Variants in MBD5 observed in about 807,000 individuals in gnomAD.
MBD5 encodes the protein methyl-CpG-binding domain protein 5.
Under a neutral mutation model 117.3 loss-of-function variants are expected in MBD5, and 13 were observed. The observed-to-expected ratio is 0.11, with a 90% CI of 0.07 to 0.18. MBD5 has a LOEUF of 0.18. Ranked by LOEUF, MBD5 falls within the 10% of genes least tolerant of loss-of-function variation. The pLI is 1.00. For synonymous variants in MBD5, 727 were observed against 766.4 expected (o/e 0.95, Z 0.85); for missense variants, 1,879 against 2,093.8 (o/e 0.90, Z 2.00).
chr2:148,351,054 A>G (rs941469474), intron 4 of MBD5, among the ~76,000 whole-genome samples: 1 of 152,032 alleles, frequency 6.6e-6, no homozygotes, highest in Non-Finnish European at 1.5e-5. Flanking sequence ...GCTTTCTTTT[A>G]GTTTTTAATA....
chr2:148,058,741 A>G (rs757830348), intron 1 of MBD5, among the ~76,000 whole-genome samples: 27 of 152,156 alleles, frequency 1.8e-4, no homozygotes, highest in Admixed American at 9.8e-4. Context: ...AATAGATTTT[A>G]TTATTTAATT....
intron 3 of MBD5, among the ~76,000 whole-genome samples, chr2:148,249,271 C>T (rs775684311): frequency 1.3e-5 from 2 of 152,098 alleles, no homozygotes; most frequent in Non-Finnish European, 2.9e-5. Flanking sequence ...GGAAATTTGG[C>T]AAAGACTTTT....
rs557754413 is a variant in MBD5 at position 148,456,467 on chromosome 2, C to T, written c.-556-1736C>T. ...GGGGGGGACACAGACATTCAGACCA[C>T]AGTACTTACCATCTTTGTACTCCCA... On this transcript the variant is annotated intron_variant, in intron 4 of 13. Transcript: ENST00000642680. Among the ~76,000 whole-genome samples, 20 of 152,276 alleles carry T rather than the reference C, an allele frequency of 1.3e-4. No homozygotes were observed. In the South Asian group the frequency reaches 4.1e-3, roughly 32 times the overall value.
rs187784522 is a variant in MBD5, at chr2:148,394,799, T to C, written c.-557+52463T>C. Reference sequence around the variant, plus strand: ...CTCTCTTTTAACTTCTTTAGTTAGATGCTTAACTCATTTAATTTTAACCCA... The same window carrying C: ...CTCTCTTTTAACTTCTTTAGTTAGACGCTTAACTCATTTAATTTTAACCCA... On this transcript the variant is annotated intron_variant, in intron 4 of 13. Coordinates refer to ENST00000642680, the MANE Select transcript of MBD5 (RefSeq NM_001378120.1). Among the ~76,000 whole-genome samples, 33 of 152,276 alleles carry C rather than the reference T, an allele frequency of 2.2e-4. No individual in the cohort carries two copies. In the East Asian group the frequency reaches 2.5e-3, roughly 12 times the overall value.
chr2:148,363,901 A>C (rs1397821402), intron 4 of MBD5, among the ~76,000 whole-genome samples: 1 of 152,190 alleles, frequency 6.6e-6, no homozygotes, highest in Non-Finnish European at 1.5e-5. Flanking sequence ...GGGAGAATGG[A>C]ACCAAGTTGG....
chr2:148,466,676 T>A (rs1371028747), intron 7 of MBD5, among the ~76,000 whole-genome samples: 1 of 152,176 alleles, frequency 6.6e-6, no homozygotes, highest in Non-Finnish European at 1.5e-5. Flanking sequence ...AACAAGAAAA[T>A]AAGCTTCAGT....
At chr2:148,488,407 A>G (rs762663781) in intron 10 of MBD5, among the ~76,000 whole-genome samples, 1 of 152,186 alleles carries the variant, frequency 6.6e-6, no homozygotes, top group Non-Finnish European at 1.5e-5. Flanking sequence ...ACAAATTCCT[A>G]TAGACAAATA....
At chr2:148,220,007 G>A (rs578255755) in intron 2 of MBD5, 4 of 152,258 alleles carry the variant, frequency 2.6e-5, no homozygotes, top group African/African-American at 9.6e-5. Context: ...TGGATGAATG[G>A]AGGATGGATA....
At chr2:148,214,796 C>G (rs900715241) in intron 2 of MBD5, among the ~76,000 whole-genome samples, 2 of 152,116 alleles carry the variant, frequency 1.3e-5, no homozygotes, top group South Asian at 2.1e-4. Context: ...ATGTGAAAAC[C>G]AGGCTATATT....
intron 3 of MBD5, among the ~76,000 whole-genome samples, chr2:148,310,573 T>A (rs1026305321): frequency 6.6e-6 from 1 of 152,192 alleles, no homozygotes; most frequent in Non-Finnish European, 1.5e-5. Context: ...TTATGTATTT[T>A]GTTAATCTTT....
Position 148,140,402 on chromosome 2 carries a change from A to C in MBD5, c.-924-38298A>C, listed in dbSNP as rs1202330388. 2.0e-5 allele frequency among the ~76,000 whole-genome samples: 3 copies of C among 152,310 alleles called. No homozygotes were observed. In the East Asian group the frequency reaches 5.8e-4, roughly 29 times the overall value. On this transcript the variant is annotated intron_variant, in intron 1 of 13. Coordinates refer to ENST00000642680, the MANE Select transcript of MBD5 (RefSeq NM_001378120.1). ...GATAAAAAAATTATGTTGTACATTT[A>C]CTTTAAATATTTTACCACTTTTTTT...
At chr2:148,117,856 A>G (rs1696677700) in intron 1 of MBD5, among the ~76,000 whole-genome samples, 1 of 152,222 alleles carries the variant, frequency 6.6e-6, no homozygotes, top group African/African-American at 2.4e-5. Flanking sequence ...GATTTAGGTT[A>G]CTTGCTCAAG....
intron 3 of MBD5, among the ~76,000 whole-genome samples, chr2:148,259,933 A>C (rs943391866): frequency 6.6e-6 from 1 of 152,174 alleles, no homozygotes; most frequent in Non-Finnish European, 1.5e-5. Flanking sequence ...CAACAACAAC[A>C]AAAAAGCTAA....
At chr2:148,097,750 C>T (rs1422644946) in intron 1 of MBD5, among the ~76,000 whole-genome samples, 1 of 152,166 alleles carries the variant, frequency 6.6e-6, no homozygotes, top group Non-Finnish European at 1.5e-5. Flanking sequence ...GTCTTTACCA[C>T]AGATTGAACA....
chr2:148,216,375 A>G (rs1225724785), intron 2 of MBD5, among the ~76,000 whole-genome samples: 2 of 152,198 alleles, frequency 1.3e-5, no homozygotes, highest in East Asian at 1.9e-4. Context: ...GCTGTCTATA[A>G]TGTAGTCTTA....
intron 1 of MBD5, among the ~76,000 whole-genome samples, chr2:148,115,089 G>T (rs1478669229): frequency 1.3e-5 from 2 of 151,962 alleles, no homozygotes; most frequent in Admixed American, 1.3e-4. Flanking sequence ...TAATCGTTCT[G>T]TACAAGTTGC....
rs781250091 is a variant in MBD5 at position 148,468,882 on chromosome 2, A to G, written c.939A>G (p.Pro313=). 5 of 1,613,970 alleles carry G rather than the reference A, an allele frequency of 3.1e-6. No homozygotes were observed. Among genetic ancestry groups the G allele is most frequent in the Non-Finnish European group, 4.2e-6 (5 of 1,179,926 alleles). The change falls in exon 8 of 14, where the codon CCA becomes CCG. Residue 313 remains proline (P), a synonymous_variant. Coordinates refer to ENST00000642680, the MANE Select transcript of MBD5 (RefSeq NM_001378120.1). ...LTTKSPVMKK[P]MCNFSTNMEI... ...CAAAGAGTCCAGTAATGAAAAAACC[A>G]ATGTGTAATTTTTCAACTAATATGG...
rs1698177337 is a variant in MBD5, at chr2:148,168,358, G to C, written c.-924-10342G>C. Among the ~76,000 whole-genome samples the C allele has an allele frequency of 2.0e-5, 3 of 152,014 alleles. No individual in the cohort carries two copies. In the South Asian group the frequency reaches 6.2e-4, roughly 32 times the overall value. On this transcript the variant is annotated intron_variant, in intron 1 of 13. Transcript: ENST00000642680. ...CTTCCCTTCTTTTTTCTCCACTATA[G>C]AACTTTCTAGCACTGAAAAATAATT...
At chr2:148,306,124 C>T (rs1574264929) in intron 3 of MBD5, among the ~76,000 whole-genome samples, 1 of 152,322 alleles carries the variant, frequency 6.6e-6, no homozygotes, top group East Asian at 1.9e-4. Context: ...AAGCCAAGAA[C>T]TCACCACCAG....
Sources: gnomAD v4.1 joint callset for allele counts (sites outside exome capture counted in the v4.1 genomes callset) on GRCh38, gnomAD v4.1.1 for gene constraint, MANE v1.5 for transcripts, NCBI Gene and HGNC (gene_info 2026-07-23, HGNC 2026-07-21) for gene names.